LRRC1: variants seen among roughly 807,000 people sequenced by gnomAD.
LRRC1 encodes the protein leucine-rich repeat-containing protein 1.
Under a neutral mutation model 69.9 loss-of-function variants are expected in LRRC1, and 28 were observed. The ratio of observed to expected loss-of-function variants is 0.40; its 90% CI spans 0.30 to 0.55. LRRC1 has a LOEUF of 0.55. Ranked by LOEUF, LRRC1 falls within the 20% of genes least tolerant of loss-of-function variation. The probability of loss-of-function intolerance (pLI) is 0.47; values close to 1 mark genes in which losing one functional copy is unlikely to be tolerated. For synonymous variants in LRRC1, 236 were observed against 240.2 expected (o/e 0.98, Z 0.16); for missense variants, 498 against 609.0 (o/e 0.82, Z 1.92).
At chr6:53,855,638 A>G (rs1224373157) in intron 2 of LRRC1, among the ~76,000 whole-genome samples, 3 of 152,160 alleles carry the variant, frequency 2.0e-5, no homozygotes, top group Admixed American at 6.5e-5. Context: ...CCTGGGTAGG[A>G]ACTGATGGGC....
chr6:53,839,821 T>C (rs1043968237), intron 1 of LRRC1, among the ~76,000 whole-genome samples: 3 of 152,228 alleles, frequency 2.0e-5, no homozygotes, highest in Non-Finnish European at 4.4e-5. Context: ...TTAATAACCC[T>C]CTTTCCTTTT....
At chr6:53,837,374 A>G (rs933064700) in intron 1 of LRRC1, among the ~76,000 whole-genome samples, 7 of 152,122 alleles carry the variant, frequency 4.6e-5, no homozygotes, top group Admixed American at 3.3e-4. Flanking sequence ...TTACCATGCA[A>G]CCACATACAG....
chr6:53,870,970 T>C (rs1766863351), intron 2 of LRRC1, among the ~76,000 whole-genome samples: 4 of 152,246 alleles, frequency 2.6e-5, no homozygotes. Flanking sequence ...GACATTGATT[T>C]CATTCTTTTT....
At chr6:53,864,168 ACT>A (rs1766620525) in intron 2 of LRRC1, among the ~76,000 whole-genome samples, 1 of 151,864 alleles carries the variant, frequency 6.6e-6, no homozygotes, top group Non-Finnish European at 1.5e-5. Flanking sequence ...CCTCTGGGTG[ACT>A]CTCTGCTCTT....
At chr6:53,910,425 T>A (rs1768371937) in intron 10 of LRRC1, among the ~76,000 whole-genome samples, 1 of 152,192 alleles carries the variant, frequency 6.6e-6, no homozygotes, top group Non-Finnish European at 1.5e-5. Flanking sequence ...GAATGATGTG[T>A]ATAATGTCAG....
At chr6:53,797,273 CT>C (rs1433861874) in intron 1 of LRRC1, among the ~76,000 whole-genome samples, 4 of 152,100 alleles carry the variant, frequency 2.6e-5, no homozygotes, top group African/African-American at 9.7e-5. Context: ...AATAAACAAG[CT>C]TTTCAAAGGT....
intron 1 of LRRC1, among the ~76,000 whole-genome samples, chr6:53,824,089 T>C (rs1348295793): frequency 6.6e-6 from 1 of 152,206 alleles, no homozygotes. Flanking sequence ...ATGGTTAAAC[T>C]TATTTATACT....
At chr6:53,853,277 T>C (rs2127420203) in intron 2 of LRRC1, among the ~76,000 whole-genome samples, 1 of 140,842 alleles carries the variant, frequency 7.1e-6, no homozygotes, top group South Asian at 2.3e-4. Flanking sequence ...TAACAGGTGG[T>C]TCATATTTTT....
At chr6:53,834,775 C>T (rs965051027) in intron 1 of LRRC1, among the ~76,000 whole-genome samples, 3 of 152,092 alleles carry the variant, frequency 2.0e-5, no homozygotes, top group Admixed American at 1.3e-4. Flanking sequence ...AGATCGAGGC[C>T]ATCCTGGCTA....
At chr6:53,903,642 A>G (rs986472130) in intron 9 of LRRC1, among the ~76,000 whole-genome samples, 3 of 151,538 alleles carry the variant, frequency 2.0e-5, no homozygotes, top group African/African-American at 7.3e-5. Context: ...AGGTGGAAAG[A>G]GCAGAAGGGA....
intron 1 of LRRC1, among the ~76,000 whole-genome samples, chr6:53,831,850 G>A (rs969879682): frequency 6.6e-6 from 1 of 152,098 alleles, no homozygotes; most frequent in African/African-American, 2.4e-5. Context: ...TGGTATCGAC[G>A]TATTTGCTTA....
At chr6:53,796,947 T>C (rs898883081) in intron 1 of LRRC1, among the ~76,000 whole-genome samples, 4 of 152,216 alleles carry the variant, frequency 2.6e-5, no homozygotes, top group African/African-American at 7.2e-5. Context: ...TGTAATTTAA[T>C]AGTTTTCAGG....
chr6:53,922,672 A>G lies in LRRC1; in HGVS notation c.1454A>G (p.Glu485Gly). Residue 485 changes from glutamate to glycine, a missense_variant, in exon 14 of 14, where the codon GAG (glutamate) becomes GGG (glycine). Glu to Gly is a moderately conservative substitution (Grantham distance 98, BLOSUM62 -2). This residue lies in a region of LRRC1 where 162 missense variants were observed against 162.9 expected (regional missense o/e 0.99). Coordinates refer to ENST00000370888, the MANE Select transcript of LRRC1 (RefSeq NM_018214.5). Reference protein sequence around the residue: ...LLRRATPHPGELKHMKKTVEN... With the variant: ...LLRRATPHPGGLKHMKKTVEN... The stretch of plus-strand genomic sequence containing the variant: ...AGGCGAGCCACTCCACACCCAGGGG[A>G]GTTAAAGCACATGAAAAAGACAGTG... 1 of 1,614,088 alleles carries G rather than the reference A, an allele frequency of 6.2e-7. No individual in the cohort carries two copies. The highest frequency in any genetic ancestry group is 1.3e-5 in the African/African-American group (1 of 75,046).
intron 11 of LRRC1, 133 bp downstream of exon 11, chr6:53,914,102 C>CTG: frequency 1.7e-6 from 1 of 605,614 alleles, no homozygotes. Context: ...ATGACCTAGG[C>CTG]CTCAGGGAGT....
At chr6:53,918,740 CTG>C (rs1245897593) in intron 11 of LRRC1, among the ~76,000 whole-genome samples, 1 of 152,194 alleles carries the variant, frequency 6.6e-6, no homozygotes, top group African/African-American at 2.4e-5. Flanking sequence ...TGCAGCCAAT[CTG>C]TGAAATCTTT....
intron 2 of LRRC1, among the ~76,000 whole-genome samples, chr6:53,856,145 A>G (rs374024377): frequency 6.6e-6 from 1 of 152,256 alleles, no homozygotes; most frequent in Admixed American, 6.5e-5. Flanking sequence ...TGAATAGCAC[A>G]GCAAGCAATA....
Position 53,798,006 on chromosome 6 carries a change from G to A in LRRC1, c.159+2591G>A, listed in dbSNP as rs558934058. Among the ~76,000 whole-genome samples, 7 of 152,222 alleles carry A rather than the reference G, an allele frequency of 4.6e-5. No homozygotes were observed. The South Asian group carries it at 1.5e-3, about 32-fold the overall frequency. Reference sequence around the variant, plus strand: ...GTCATTATAACTTAGCCTTAGCCAAGCATTTATTGAGACTCCATTATTTAC... The same window carrying A: ...GTCATTATAACTTAGCCTTAGCCAAACATTTATTGAGACTCCATTATTTAC... On this transcript the variant is annotated intron_variant, in intron 1 of 13. Coordinates refer to ENST00000370888, the MANE Select transcript of LRRC1 (RefSeq NM_018214.5).
At chr6:53,870,629 C>A (rs1022869435) in intron 2 of LRRC1, among the ~76,000 whole-genome samples, 2 of 152,104 alleles carry the variant, frequency 1.3e-5, no homozygotes, top group Non-Finnish European at 2.9e-5. Flanking sequence ...TTTATAATTT[C>A]TTTGTGGTGA....
At chr6:53,900,018 CTGTTTT>C in intron 8 of LRRC1, 127 bp downstream of exon 8, 37 of 283,878 alleles carry the variant, frequency 1.3e-4, no homozygotes, top group Non-Finnish European at 1.6e-4. Flanking sequence ...AGTCTCCTTA[CTGTTTT>C]TTTTTTTTTT....
Sources: allele counts gnomAD v4.1 joint callset (sites outside exome capture counted in the v4.1 genomes callset), GRCh38; gene constraint gnomAD v4.1.1; regional missense constraint gnomAD v4.1.1; transcripts MANE v1.5; gene names NCBI Gene and HGNC (gene_info 2026-07-23, HGNC 2026-07-21).